Variants in NOSTRIN observed in about 807,000 individuals in gnomAD.
The protein encoded by NOSTRIN is nitric oxide synthase trafficking.
A neutral mutation model predicts 59.0 loss-of-function variants in NOSTRIN; 63 were observed. That is an observed-to-expected ratio of 1.07 (90% CI 0.87 to 1.32). The LOEUF is 1.32. Among genes scored for constraint, NOSTRIN ranks in the 40% most tolerant of loss-of-function variants. The probability of loss-of-function intolerance (pLI) is 0.00; values close to 1 mark genes in which losing one functional copy is unlikely to be tolerated. For missense variants in NOSTRIN, 512 were observed against 473.1 expected, an observed-to-expected ratio of 1.08 and a Z score of -0.76; for synonymous variants, 200 against 165.4, an observed-to-expected ratio of 1.21 and a Z score of -1.61.
chr2:168,826,112 G>A (rs1197668908), intron 3 of NOSTRIN, among the ~76,000 whole-genome samples: 1 of 152,188 alleles, frequency 6.6e-6, no homozygotes, highest in Non-Finnish European at 1.5e-5. Context: ...GTTGCTGTGA[G>A]AATTAAATAC....
rs1389473911 is a variant in NOSTRIN, at chr2:168,851,412, T to C, written c.855+8T>C. On this transcript the variant is annotated splice_region_variant and intron_variant, in intron 10 of 15. Coordinates refer to ENST00000317647, the MANE Select transcript of NOSTRIN (RefSeq NM_001039724.4). ...CTGTTAACGGATTACTTTGTGAGTA[T>C]GAAATGGAAAAAAAAAGTTACATTA... The C allele has an allele frequency of 4.4e-6, 7 of 1,592,508 alleles. No individual in the cohort carries two copies. The highest frequency in any genetic ancestry group is 5.1e-6 in the Non-Finnish European group (6 of 1,173,866).
intron 8 of NOSTRIN, among the ~76,000 whole-genome samples, chr2:168,847,414 A>G (rs183330488): frequency 6.6e-6 from 1 of 152,332 alleles, no homozygotes; most frequent in Admixed American, 6.5e-5. Context: ...GAGCCTCTGA[A>G]TCAATCAGAG....
At chr2:168,795,045 A>G (rs1685446540), upstream of NOSTRIN, among the ~76,000 whole-genome samples, 1 of 152,086 alleles carries the variant, frequency 6.6e-6, no homozygotes, top group Non-Finnish European at 1.5e-5. Flanking sequence ...ACAATAAATA[A>G]CCATTTGGCA....
intron 10 of NOSTRIN, among the ~76,000 whole-genome samples, chr2:168,853,405 T>A (rs999501280): frequency 1.3e-5 from 2 of 152,174 alleles, no homozygotes; most frequent in Admixed American, 1.3e-4. Context: ...ATAAATGCCA[T>A]GTTCAAAAGA....
rs1271378211 is a variant in NOSTRIN at position 168,834,505 on chromosome 2, G to GCACACACACACA, written c.504+181_504+182insACACACACACAC. Among the ~76,000 whole-genome samples the GCACACACACACA allele has an allele frequency of 2.9e-3, 303 of 103,110 alleles. No individual in the cohort carries two copies. In the Middle Eastern group the frequency reaches 0.03, roughly 10 times the overall value. The allele number at this position is 103,110 out of a possible 152,430, so 67.6% of individuals were successfully genotyped here. ...ATTACTGGCGTGCGCGCGCGCGCGC[G>GCACACACACACA]CGCACACACACACACACACACACAC... is the stretch of plus-strand genomic sequence containing the variant. On this transcript the variant is annotated intron_variant, in intron 7 of 15. Coordinates refer to ENST00000317647, the MANE Select transcript of NOSTRIN (RefSeq NM_001039724.4).
chr2:168,855,970 C>A (rs2105775187), intron 11 of NOSTRIN: 1 of 435,004 alleles, frequency 2.3e-6, no homozygotes, highest in South Asian at 1.7e-5. Context: ...TGATGTCTAC[C>A]TAGTAACTTG....
intron 1 of NOSTRIN, among the ~76,000 whole-genome samples, chr2:168,806,561 T>A (rs1187839889): frequency 6.6e-6 from 1 of 151,248 alleles, no homozygotes; most frequent in African/African-American, 2.4e-5. Flanking sequence ...ATAGACCAGT[T>A]GTCTATTTGA....
At chr2:168,851,035 A>G (rs2105754539) in intron 8 of NOSTRIN, 49 bp from the exon 9 acceptor site, 1 of 1,085,180 alleles carries the variant, frequency 9.2e-7, no homozygotes. Flanking sequence ...AGTGACTTCC[A>G]TTTTGCATAA....
intron 2 of NOSTRIN, 64 bp downstream of exon 2, chr2:168,811,716 G>T: frequency 2.9e-6 from 2 of 701,640 alleles, no homozygotes; most frequent in East Asian, 2.8e-5. Flanking sequence ...GATATGACTG[G>T]AGGAGTGATT....
At chr2:168,817,043 C>G (rs1686444812) in intron 2 of NOSTRIN, among the ~76,000 whole-genome samples, 1 of 152,164 alleles carries the variant, frequency 6.6e-6, no homozygotes, top group Admixed American at 6.5e-5. Flanking sequence ...TCAGTACAAC[C>G]CATAGACCAG....
At position 168,851,399 on chromosome 2, in the gene NOSTRIN, T is replaced by A; in HGVS notation, c.850T>A (p.Tyr284Asn). ...ENKSEFLLTD[Y>N]FEEDPNSAMD... The stretch of plus-strand genomic sequence containing the variant: ...CAAATCTGAGTTCCTGTTAACGGAT[T>A]ACTTTGTGAGTATGAAATGGAAAAA... Residue 284 changes from tyrosine (Y) to asparagine (N), a missense_variant, in exon 10 of 16, where the codon TAC becomes AAC. Transcript: ENST00000317647. 6.2e-7 allele frequency: 1 copy of A among 1,608,792 alleles called. No individual in the cohort carries two copies. The highest frequency in any genetic ancestry group is 1.1e-5 in the South Asian group (1 of 89,426).
At chr2:168,834,499 G>GCA (rs1352968254) in intron 7 of NOSTRIN, among the ~76,000 whole-genome samples, 174 bp downstream of exon 7, 683 of 28,588 alleles carry the variant, frequency 0.024, 4 homozygotes, top group Admixed American at 0.043. Flanking sequence ...GTGCGCGCGC[G>GCA]CGCGCGCGCA....
chr2:168,806,349 A>G (rs1559104402), intron 1 of NOSTRIN, among the ~76,000 whole-genome samples: 1 of 152,088 alleles, frequency 6.6e-6, no homozygotes, highest in Non-Finnish European at 1.5e-5. Flanking sequence ...AACCCTCTTA[A>G]TCATTCAAGC....
intron 8 of NOSTRIN, among the ~76,000 whole-genome samples, chr2:168,844,387 T>A (rs973038582): frequency 1.1e-5 from 1 of 94,072 alleles, no homozygotes; most frequent in African/African-American, 5.9e-5. Context: ...CCACCTGTTT[T>A]AAGTTTAAAA....
chr2:168,797,182 C>T (rs1198293089), upstream of NOSTRIN, among the ~76,000 whole-genome samples: 2 of 146,772 alleles, frequency 1.4e-5, no homozygotes, highest in Non-Finnish European at 3.0e-5. Context: ...TCGATTTCCC[C>T]AAGCTCAGGT....
At position 168,862,114 on chromosome 2, in the gene NOSTRIN, CCT is replaced by C; in HGVS notation, c.1384+66_1384+67del. The C allele has an allele frequency of 2.1e-6, 3 of 1,445,914 alleles. No homozygotes were observed. The Admixed American group carries it at 5.1e-5, about 25-fold the overall frequency. The allele number at this position is 1,445,914 out of a possible 1,614,324, so 89.6% of individuals were successfully genotyped here. On this transcript the variant is annotated intron_variant, in intron 15 of 15. Transcript: ENST00000317647. Reference sequence around the variant, plus strand: ...TTGAGATTCTTAGCATGAATAAAACCCTGTCTTAGTGTGGCAGCCTTAAGAGT... The same window carrying C: ...TTGAGATTCTTAGCATGAATAAAACCGTCTTAGTGTGGCAGCCTTAAGAGT...
At chr2:168,825,187 A>T (rs1686992593) in intron 3 of NOSTRIN, among the ~76,000 whole-genome samples, 1 of 152,214 alleles carries the variant, frequency 6.6e-6, no homozygotes, top group Non-Finnish European at 1.5e-5. Flanking sequence ...CACTGTGTTA[A>T]TGCTTTACTG....
At chr2:168,844,342 G>C (rs571135072) in intron 8 of NOSTRIN, among the ~76,000 whole-genome samples, 9 of 151,980 alleles carry the variant, frequency 5.9e-5, no homozygotes, top group Admixed American at 3.3e-4. Flanking sequence ...CAATTCTGGA[G>C]AGTAAGAACA....
Position 168,856,755 on chromosome 2 carries a change from G to C in NOSTRIN, c.1030G>C (p.Asp344His), listed in dbSNP as rs757677595. 1 of 1,614,168 alleles carries C rather than the reference G, an allele frequency of 6.2e-7. No homozygotes were observed. Among genetic ancestry groups the C allele is most frequent in the Admixed American group, 1.7e-5 (1 of 60,026 alleles). Residue 344 changes from aspartate to histidine, a missense_variant, in exon 12 of 16, where the codon GAC becomes CAC. Coordinates refer to ENST00000317647, the MANE Select transcript of NOSTRIN (RefSeq NM_001039724.4). ...CTTCTCTGATGCAAAGAGCCAGAAA[G>C]ACACAGCAGCGTTAATGGATGAGGT... ...SSFSDAKSQKDTAALMDENNL... is the reference protein window; with the variant it reads ...SSFSDAKSQKHTAALMDENNL...
Sources: allele counts gnomAD v4.1 joint callset (sites outside exome capture counted in the v4.1 genomes callset), GRCh38; gene constraint gnomAD v4.1.1; transcripts MANE v1.5; gene names NCBI Gene and HGNC (gene_info 2026-07-23, HGNC 2026-07-21).